AGFG2: variants seen among roughly 807,000 people sequenced by gnomAD.
The protein encoded by AGFG2 is arf-GAP domain and FG repeat-containing protein 2.
AGFG2 carries 31 observed loss-of-function variants against 48.0 expected under a neutral mutation model. The ratio of observed to expected loss-of-function variants is 0.65; its 90% CI spans 0.49 to 0.87. The LOEUF is 0.87. Among genes scored for constraint, AGFG2 ranks in the 40% least tolerant of loss-of-function variants. The pLI is 0.00. For missense variants in AGFG2, 599 were observed against 632.6 expected (o/e 0.95, Z 0.57); for synonymous variants, 229 against 260.8 (o/e 0.88, Z 1.18).
At chr7:100,550,567 A>G in intron 3 of AGFG2, 56 bp downstream of exon 3, 1 of 1,376,208 alleles carries the variant, frequency 7.3e-7, no homozygotes, top group Admixed American at 1.8e-5. Flanking sequence ...TCTTCATCTG[A>G]CAGTCCAGTT....
At chr7:100,561,417 G>A (rs528349817) in intron 6 of AGFG2, among the ~76,000 whole-genome samples, 24 of 152,294 alleles carry the variant, frequency 1.6e-4, no homozygotes, top group Admixed American at 7.2e-4. Context: ...ATGAACTGCC[G>A]CGTCCTGTCA....
chr7:100,559,004 C>T lies in AGFG2; in HGVS notation c.878-3255C>T, dbSNP rs531279241. On this transcript the variant is annotated intron_variant, in intron 6 of 11. Coordinates refer to ENST00000300176, the MANE Select transcript of AGFG2 (RefSeq NM_006076.5). ...CAAAAATTAGCCAGGCATGGTGGTG[C>T]GTGACTGTAGTCCCAGCTACTGGGG... 4.6e-5 allele frequency among the ~76,000 whole-genome samples: 7 copies of T among 152,076 alleles called. No homozygotes were observed. In the South Asian group the frequency reaches 1.5e-3, roughly 32 times the overall value.
At chr7:100,547,839 A>G (rs926624026) in intron 1 of AGFG2, among the ~76,000 whole-genome samples, 1 of 152,220 alleles carries the variant, frequency 6.6e-6, no homozygotes, top group Non-Finnish European at 1.5e-5. Flanking sequence ...CAGAAATAAG[A>G]AAATCAAATA....
chr7:100,564,151 C>A (rs1800946129), intron 10 of AGFG2, 67 bp from the exon 11 acceptor site: 2 of 1,555,564 alleles, frequency 1.3e-6, no homozygotes, highest in East Asian at 2.3e-5. Flanking sequence ...TTTAGGAGGG[C>A]CCCCCTTGCT....
chr7:100,548,326 G>A (rs1315892978), intron 1 of AGFG2, among the ~76,000 whole-genome samples: 4 of 151,814 alleles, frequency 2.6e-5, no homozygotes, highest in Admixed American at 6.6e-5. Context: ...GGGGGGTGGT[G>A]GGAGTGGGGA....
chr7:100,539,416 G>GCGGCCT lies in AGFG2; in HGVS notation c.74_79dup (p.Ala25_Ser26dup), dbSNP rs1338358065. The GCGGCCT allele has an allele frequency of 3.8e-6, 5 of 1,319,344 alleles. No homozygotes were observed. In the South Asian group the frequency reaches 6.2e-5, roughly 16 times the overall value. The allele number at this position is 1,319,344 out of a possible 1,614,324, so 81.7% of individuals were successfully genotyped here. On this transcript the variant is annotated inframe_insertion, in exon 1 of 12. Coordinates refer to ENST00000300176, the MANE Select transcript of AGFG2 (RefSeq NM_006076.5). ...CAGCGGGGGCAAGGCGGAGGCGGAG[G>GCGGCCT]CGGCCTCGGAGGTGTGGTGCCGTCG...
Position 100,564,223 on chromosome 7 carries a change from T to C in AGFG2, c.1306T>C (p.Ser436Pro), listed in dbSNP as rs1261767902. The change falls in exon 11 of 12, where the codon TCC becomes CCC. Residue 436 changes from serine (S) to proline (P), a missense_variant. Physicochemically the swap from Ser to Pro is moderately conservative, Grantham distance 74. Transcript: ENST00000300176. ...TGACTGCTCTCGCCCCCTAGGCTCTTCCTTCGGGGACTTAGGATCAGCCAA... is the reference window on the plus strand; with the variant it reads ...TGACTGCTCTCGCCCCCTAGGCTCTCCCTTCGGGGACTTAGGATCAGCCAA... ...TPLVQQQNGSSFGDLGSAKLG... is the reference protein window; with the variant it reads ...TPLVQQQNGSPFGDLGSAKLG... The C allele has an allele frequency of 6.2e-7, 1 of 1,611,760 alleles. No individual in the cohort carries two copies. The highest frequency in any genetic ancestry group is 8.5e-7 in the Non-Finnish European group (1 of 1,178,976).
intron 10 of AGFG2, 93 bp downstream of exon 10, chr7:100,564,055 A>T (rs1800942691): frequency 6.4e-7 from 1 of 1,572,218 alleles, no homozygotes; most frequent in Admixed American, 1.7e-5. Flanking sequence ...GAGCCCATGC[A>T]GTGCCCTTTC....
Position 100,539,535 on chromosome 7 carries a change from C to T in AGFG2, c.189C>T (p.Gly63=). 7.8e-7 allele frequency: 1 copy of T among 1,274,986 alleles called. No homozygotes were observed. Among genetic ancestry groups the T allele is most frequent in the Non-Finnish European group, 1.0e-6 (1 of 1,002,132 alleles). The allele number at this position is 1,274,986 out of a possible 1,614,324, so 79.0% of individuals were successfully genotyped here. Reference sequence around the variant, plus strand: ...TCACCTACGTGGATATCACCGTGGGCAGCTTCGTGTGCACCACCTGCTCCG... The same window carrying T: ...TCACCTACGTGGATATCACCGTGGGTAGCTTCGTGTGCACCACCTGCTCCG... ...RGVTYVDITV[G]SFVCTTCSGL... is the part of the protein sequence containing the mutation. Residue 63 remains glycine (G), a synonymous_variant, in exon 1 of 12, where the codon GGC becomes GGT. Transcript: ENST00000300176.
At chr7:100,555,263 G>GTTTTTTTTTT in intron 5 of AGFG2, among the ~76,000 whole-genome samples, 1 of 75,148 alleles carries the variant, frequency 1.3e-5, no homozygotes, top group Non-Finnish European at 2.5e-5. Flanking sequence ...TGTGTGTGTG[G>GTTTTTTTTTT]TTTTTTTTTT....
At chr7:100,563,376 G>C (rs900979648) in intron 9 of AGFG2, among the ~76,000 whole-genome samples, 3 of 152,184 alleles carry the variant, frequency 2.0e-5, no homozygotes, top group African/African-American at 7.2e-5. Context: ...TCTCCCCTCA[G>C]ACTCATGCTG....
rs1442039960 is a variant in AGFG2 at position 100,566,880 on chromosome 7, G to C, written c.*1889G>C. Reference sequence around the variant, plus strand: ...CTTTCTGCTTAGAGCCGGAGGGAGGGAAGCTGGAATCTGTTATGGTGTATT... The same window carrying C: ...CTTTCTGCTTAGAGCCGGAGGGAGGCAAGCTGGAATCTGTTATGGTGTATT... On this transcript the variant is annotated 3_prime_UTR_variant, in exon 12 of 12. Coordinates refer to ENST00000300176, the MANE Select transcript of AGFG2 (RefSeq NM_006076.5). The C allele has an allele frequency of 6.6e-6, 1 of 152,194 alleles. No homozygotes were observed. Among genetic ancestry groups the C allele is most frequent in the South Asian group, 2.1e-4 (1 of 4,828 alleles). The allele number at this position is 152,194 out of a possible 1,614,324, so 9.4% of individuals were successfully genotyped here. A position where few individuals can be genotyped will look rare whatever the true frequency, so the allele number is the denominator to read the frequency against.
rs906025060 is a variant in AGFG2 at position 100,565,401 on chromosome 7, A to G, written c.*410A>G. On this transcript the variant is annotated 3_prime_UTR_variant, in exon 12 of 12. Coordinates refer to ENST00000300176, the MANE Select transcript of AGFG2 (RefSeq NM_006076.5). ...AGTGTTGATGGGGCAGTGACCAGAC[A>G]GTCCTGAGACCCAGAAGGCCCAGGT... The G allele has an allele frequency of 5.5e-6, 1 of 181,654 alleles. No homozygotes were observed. Among genetic ancestry groups the G allele is most frequent in the Non-Finnish European group, 1.2e-5 (1 of 86,554 alleles). The allele number at this position is 181,654 out of a possible 1,614,324, so 11.3% of individuals were successfully genotyped here. A position where few individuals can be genotyped will look rare whatever the true frequency, so the allele number is the denominator to read the frequency against.
At chr7:100,559,432 TGA>T in intron 6 of AGFG2, among the ~76,000 whole-genome samples, 1 of 152,284 alleles carries the variant, frequency 6.6e-6, no homozygotes, top group South Asian at 2.1e-4. Context: ...TTTATATTTC[TGA>T]GGGGGAGTAT....
chr7:100,561,690 C>A (rs1800877911), intron 6 of AGFG2, among the ~76,000 whole-genome samples: 1 of 152,220 alleles, frequency 6.6e-6, no homozygotes, highest in Non-Finnish European at 1.5e-5. Flanking sequence ...GGCAGGAGAA[C>A]CCCGCAGCGG....
At chr7:100,564,023 A>AG (rs1302058059) in intron 10 of AGFG2, 61 bp downstream of exon 10, 21 of 1,588,102 alleles carry the variant, frequency 1.3e-5, no homozygotes, top group Non-Finnish European at 1.5e-5. Context: ...GAGATCAGTT[A>AG]GTTGTTCCTC....
Position 100,562,201 on chromosome 7 carries a change from G to C in AGFG2, c.878-58G>C. The C allele has an allele frequency of 1.3e-6, 2 of 1,581,534 alleles. No individual in the cohort carries two copies. Among genetic ancestry groups the C allele is most frequent in the Non-Finnish European group, 1.7e-6 (2 of 1,159,272 alleles). On this transcript the variant is annotated intron_variant, in intron 6 of 11. Transcript: ENST00000300176. The surrounding 1 kb of genome is among the most constrained non-coding windows in gnomAD (Gnocchi z 5.4). The stretch of plus-strand genomic sequence containing the variant: ...CACCACCACCTCCATCTGCTCTCCT[G>C]CCCCTCCCGCCCTGTCTTACCTCAG...
chr7:100,541,523 G>A (rs1800420817), intron 1 of AGFG2, among the ~76,000 whole-genome samples: 1 of 151,878 alleles, frequency 6.6e-6, no homozygotes, highest in Non-Finnish European at 1.5e-5. Flanking sequence ...ATGTATAGGA[G>A]GCCAAGGTGA....
rs147140615 is a variant in AGFG2, at chr7:100,553,670, T to C, written c.585+170T>C. Among the ~76,000 whole-genome samples, 4 of 152,340 alleles carry C rather than the reference T, an allele frequency of 2.6e-5. No homozygotes were observed. The East Asian group carries it at 7.7e-4, about 29-fold the overall frequency. On this transcript the variant is annotated intron_variant, in intron 4 of 11. Transcript: ENST00000300176. Reference sequence around the variant, plus strand: ...GTATTTGTCACTTCTGGACCTCATATCTTTTGGAAGTCAGAACCTAACAGG... The same window carrying C: ...GTATTTGTCACTTCTGGACCTCATACCTTTTGGAAGTCAGAACCTAACAGG...
Sources: allele counts gnomAD v4.1 joint callset (sites outside exome capture counted in the v4.1 genomes callset), GRCh38; gene constraint gnomAD v4.1.1; non-coding constraint Gnocchi (gnomAD v3.1); transcripts MANE v1.5; gene names NCBI Gene and HGNC (gene_info 2026-07-23, HGNC 2026-07-21).